The following APP variants were observed in gnomAD, a reference collection of about 807,000 sequenced individuals.
APP encodes the protein amyloid beta precursor protein, also known as amyloid-beta precursor protein.
In APP, 31 loss-of-function variants were observed where a neutral mutation model predicts 101.4. The ratio of observed to expected loss-of-function variants is 0.31; its 90% CI spans 0.23 to 0.41. APP has a LOEUF of 0.41. APP is among the 10% of genes least tolerant of loss of function. APP has a pLI of 1.00. For synonymous variants in APP, 366 were observed against 364.4 expected, an observed-to-expected ratio of 1.00 and a Z score of -0.05; for missense variants, 839 against 1,003.7, an observed-to-expected ratio of 0.84 and a Z score of 2.22.
At chr21:25,971,054 C>CTT (rs977151119) in intron 11 of APP, among the ~76,000 whole-genome samples, 6 of 146,068 alleles carry the variant, frequency 4.1e-5, no homozygotes, top group African/African-American at 1.5e-4. Context: ...AACAGCGTTT[C>CTT]TTTTTTTTTT....
intron 13 of APP, among the ~76,000 whole-genome samples, chr21:25,926,716 A>G (rs115418246): frequency 0.014 from 2,127 of 152,248 alleles, 48 homozygotes; most frequent in African/African-American, 0.049. Context: ...GGACATGGCT[A>G]TATTACTTGG....
rs771964280 is a variant in APP at position 25,905,071 on chromosome 21, G to T, written c.1916C>A (p.Pro639His). ...GTCGGCAGCAGGGCGGGCATCAACA[G>T]GCTCAACTGGGCACAGGAAGCAAGG... is the stretch of plus-strand genomic sequence containing the variant. ...VPANTENEVE[P>H]VDARPAADRG... The change falls in exon 15 of 18, where the codon CCT becomes CAT. Residue 639 changes from proline to histidine, a missense_variant. Coordinates refer to ENST00000346798, the MANE Select transcript of APP (RefSeq NM_000484.4). 4 of 1,613,878 alleles carry T rather than the reference G, an allele frequency of 2.5e-6. No individual in the cohort carries two copies. The highest frequency in any genetic ancestry group is 3.4e-6 in the Non-Finnish European group (4 of 1,179,888).
At chr21:25,975,865 G>A in intron 10 of APP, 89 bp downstream of exon 10, 3 of 1,006,470 alleles carry the variant, frequency 3.0e-6, no homozygotes, top group Non-Finnish European at 4.8e-6. Context: ...TCACACGTGA[G>A]GTGCTGGCAG....
intron 1 of APP, among the ~76,000 whole-genome samples, chr21:26,117,381 G>A (rs1366863233): frequency 6.6e-6 from 1 of 152,198 alleles, no homozygotes; most frequent in Non-Finnish European, 1.5e-5. Flanking sequence ...CCCCTTTCAG[G>A]GGAATAATTC....
intron 5 of APP, among the ~76,000 whole-genome samples, chr21:26,035,742 AGC>A (rs1219217958): frequency 1.3e-5 from 2 of 152,226 alleles, no homozygotes; most frequent in African/African-American, 2.4e-5. Context: ...AGAAGAAAGC[AGC>A]GCATGTGTCA....
intron 1 of APP, among the ~76,000 whole-genome samples, chr21:26,126,905 AACT>A (rs2062696147): frequency 6.6e-6 from 1 of 152,060 alleles, no homozygotes; most frequent in Admixed American, 6.6e-5. Context: ...TAATTAATCC[AACT>A]GACATCATAT....
At chr21:26,037,288 G>T (rs1374017337) in intron 5 of APP, among the ~76,000 whole-genome samples, 5 of 152,100 alleles carry the variant, frequency 3.3e-5, no homozygotes, top group Non-Finnish European at 7.4e-5. Flanking sequence ...AGAGGAATAA[G>T]TTCTAGTGCT....
intron 13 of APP, among the ~76,000 whole-genome samples, chr21:25,945,044 G>T (rs2146448123): frequency 6.6e-6 from 1 of 152,258 alleles, no homozygotes; most frequent in African/African-American, 2.4e-5. Flanking sequence ...CCATGCCTCA[G>T]GCTCCATCCA....
At chr21:26,089,283 A>G (rs2061768298) in intron 3 of APP, among the ~76,000 whole-genome samples, 1 of 152,208 alleles carries the variant, frequency 6.6e-6, no homozygotes, top group Non-Finnish European at 1.5e-5. Flanking sequence ...TTAAATATGG[A>G]GTATGACAGT....
At chr21:26,098,136 C>A (rs2146146196) in intron 2 of APP, among the ~76,000 whole-genome samples, 1 of 143,388 alleles carries the variant, frequency 7.0e-6, no homozygotes, top group South Asian at 2.3e-4. Context: ...TCCTAACAAC[C>A]AGGAAAGAGG....
At chr21:25,917,368 AAAC>A (rs1293381928) in intron 13 of APP, among the ~76,000 whole-genome samples, 1 of 152,200 alleles carries the variant, frequency 6.6e-6, no homozygotes. Flanking sequence ...ACTTTAAAGA[AAAC>A]AACATCAAAA....
chr21:25,889,003 T>A (rs527947251), intron 17 of APP, among the ~76,000 whole-genome samples: 16 of 152,308 alleles, frequency 1.1e-4, no homozygotes, highest in Non-Finnish European at 2.4e-4. Flanking sequence ...TTCTTTTTCC[T>A]TAGGTCTGAG....
intron 11 of APP, among the ~76,000 whole-genome samples, chr21:25,961,686 T>A (rs535111144): frequency 6.6e-6 from 1 of 152,198 alleles, no homozygotes; most frequent in African/African-American, 2.4e-5. Flanking sequence ...AAGACAAAGA[T>A]GAATTTCTTA....
chr21:26,065,422 CT>C (rs962633666), intron 3 of APP, among the ~76,000 whole-genome samples: 5 of 151,934 alleles, frequency 3.3e-5, no homozygotes, highest in African/African-American at 9.7e-5. Flanking sequence ...CTTGGTTTGA[CT>C]TTTTTTTAGA....
chr21:26,137,027 T>C (rs1025180353), intron 1 of APP, among the ~76,000 whole-genome samples: 3 of 143,792 alleles, frequency 2.1e-5, no homozygotes, highest in Non-Finnish European at 4.5e-5. Flanking sequence ...CTATGCCTCC[T>C]GGGTTCAAGA....
intron 3 of APP, chr21:26,053,614 C>A: frequency 2.9e-6 from 1 of 343,178 alleles, no homozygotes. Flanking sequence ...TTTCTTGCTT[C>A]AAAATTAATC....
chr21:26,006,499 C>T (rs75839830), intron 6 of APP, among the ~76,000 whole-genome samples: 2,119 of 152,272 alleles, frequency 0.014, 64 homozygotes, highest in African/African-American at 0.048. Flanking sequence ...CTCGTGTCAA[C>T]GCTACATTCC....
intron 13 of APP, among the ~76,000 whole-genome samples, chr21:25,931,005 A>T (rs2040122903): frequency 6.6e-6 from 1 of 152,196 alleles, no homozygotes. Flanking sequence ...ATAATCTGCA[A>T]CCAAGAAAAT....
chr21:25,900,582 A>C (rs1335120690), intron 15 of APP, among the ~76,000 whole-genome samples: 2 of 151,824 alleles, frequency 1.3e-5, no homozygotes, highest in East Asian at 3.9e-4. Context: ...AATAAATAAA[A>C]GATCTAGCAA....
Sources: allele counts gnomAD v4.1 joint callset (sites outside exome capture counted in the v4.1 genomes callset), GRCh38; gene constraint gnomAD v4.1.1; transcripts MANE v1.5; gene names NCBI Gene and HGNC (gene_info 2026-07-23, HGNC 2026-07-21).